Variants in SYCP2L observed in about 807,000 individuals in gnomAD.
SYCP2L encodes the protein synaptonemal complex protein 2-like.
SYCP2L carries 98 observed loss-of-function variants against 125.8 expected under a neutral mutation model. The ratio of observed to expected loss-of-function variants is 0.78; its 90% CI spans 0.66 to 0.92. SYCP2L has a LOEUF of 0.92. SYCP2L is among the 40% of genes least tolerant of loss of function. SYCP2L has a pLI of 0.00. For missense variants in SYCP2L, 842 were observed against 936.4 expected (o/e 0.90, Z 1.32); for synonymous variants, 317 against 325.4 (o/e 0.97, Z 0.28).
At chr6:10,933,668 C>T (rs574911307) in intron 20 of SYCP2L, among the ~76,000 whole-genome samples, 2 of 152,180 alleles carry the variant, frequency 1.3e-5, no homozygotes, top group East Asian at 3.9e-4. Flanking sequence ...TTTGTGGCTA[C>T]GTTTATTAGA....
chr6:10,906,630 C>T (rs1190664930), intron 9 of SYCP2L, among the ~76,000 whole-genome samples: 3 of 150,466 alleles, frequency 2.0e-5, no homozygotes, highest in South Asian at 2.1e-4. Context: ...GGAGTTTTGC[C>T]CTTGTTGGCC....
At chr6:10,965,097 G>T (rs972154471) in intron 29 of SYCP2L, among the ~76,000 whole-genome samples, 1 of 152,018 alleles carries the variant, frequency 6.6e-6, no homozygotes, top group African/African-American at 2.4e-5. Flanking sequence ...AATAGATTAG[G>T]ATAATATAAT....
rs70991076 is a variant in SYCP2L, at chr6:10,931,990, C to CTTT, written c.1683+516_1683+518dup. 1.2e-3 allele frequency among the ~76,000 whole-genome samples: 143 copies of CTTT among 116,442 alleles called. 1 individual carries two copies. The highest frequency in any genetic ancestry group is 2.4e-3 in the African/African-American group (73 of 30,748). 76.4% of individuals were successfully genotyped at this position (116,442 alleles called of 152,430 possible). A position where few individuals can be genotyped will look rare whatever the true frequency, so the allele number is the denominator to read the frequency against. Reference sequence around the variant, plus strand: ...AAAAAAAAAAAAAAAGATTGAGGGTCTTTTTTTTTTTTTTTTTAACTGTTC... The same window carrying CTTT: ...AAAAAAAAAAAAAAAGATTGAGGGTCTTTTTTTTTTTTTTTTTTTTAACTGTTC... On this transcript the variant is annotated intron_variant, in intron 20 of 29. Coordinates refer to ENST00000283141, the MANE Select transcript of SYCP2L (RefSeq NM_001040274.3).
In SYCP2L at chr6:10,954,068, C is replaced by T. The variant is rs567464428; in HGVS notation, c.1955-1048C>T. Among the ~76,000 whole-genome samples the T allele has an allele frequency of 7.9e-5, 12 of 152,282 alleles. No homozygotes were observed. The South Asian group carries it at 8.3e-4, about 11-fold the overall frequency. On this transcript the variant is annotated intron_variant, in intron 23 of 29. Coordinates refer to ENST00000283141, the MANE Select transcript of SYCP2L (RefSeq NM_001040274.3). This position sits in a 1 kb window ranked among gnomAD's most constrained non-coding sequence, Gnocchi z 4.8. ...ACCTCTCACTATCTGCCAGCCGCAT[C>T]GCCCTGCCTCTCGCACATAGTAACG...
At chr6:10,895,509 T>C (rs999897306) in intron 4 of SYCP2L, among the ~76,000 whole-genome samples, 1 of 152,092 alleles carries the variant, frequency 6.6e-6, no homozygotes, top group African/African-American at 2.4e-5. Context: ...GTGTCTGTAA[T>C]GAGCTAGAAA....
At chr6:10,921,057 C>T (rs1464285375) in intron 14 of SYCP2L, among the ~76,000 whole-genome samples, 3 of 152,122 alleles carry the variant, frequency 2.0e-5, no homozygotes, top group African/African-American at 7.2e-5. Flanking sequence ...TACCCAGGCC[C>T]CAGTATGTGT....
intron 9 of SYCP2L, 143 bp downstream of exon 9, chr6:10,906,197 A>G (rs867089386): frequency 5.8e-6 from 3 of 519,500 alleles, no homozygotes; most frequent in Non-Finnish European, 6.8e-6. Flanking sequence ...ATTTTGAGAG[A>G]TTTTAGCATG....
At chr6:10,900,401 C>T (rs113606388) in intron 6 of SYCP2L, among the ~76,000 whole-genome samples, 2 of 151,242 alleles carry the variant, frequency 1.3e-5, no homozygotes, top group African/African-American at 2.4e-5. Context: ...TTGGCTCAGA[C>T]GAGTGCAGTG....
chr6:10,963,918 G>A, intron 29 of SYCP2L, 75 bp downstream of exon 29: 1 of 1,062,496 alleles, frequency 9.4e-7, no homozygotes, highest in Non-Finnish European at 1.4e-6. Flanking sequence ...AAAAGATACT[G>A]TAATGCTTTG....
Position 10,907,683 on chromosome 6 carries a change from C to A in SYCP2L, c.818C>A (p.Thr273Lys). The A allele has an allele frequency of 6.2e-7, 1 of 1,611,774 alleles. No homozygotes were observed. Among genetic ancestry groups the A allele is most frequent in the Non-Finnish European group, 8.5e-7 (1 of 1,179,144 alleles). The change falls in exon 10 of 30, where the codon ACG becomes AAG. Residue 273 changes from threonine (T) to lysine (K), a missense_variant and splice_region_variant. By Grantham distance (78) the Thr-to-Lys change is moderately conservative. Transcript: ENST00000283141. Reference protein sequence around the residue: ...FKEIKDREFETDSRRFLNHLN... With the variant: ...FKEIKDREFEKDSRRFLNHLN... ...GAAATTAAGGATCGAGAATTTGAGACGGTGAGATTCCTGGCCATGCGAATT... is the reference window on the plus strand; with the variant it reads ...GAAATTAAGGATCGAGAATTTGAGAAGGTGAGATTCCTGGCCATGCGAATT...
chr6:10,920,291 C>T (rs1023793158), intron 14 of SYCP2L, among the ~76,000 whole-genome samples: 1 of 152,200 alleles, frequency 6.6e-6, no homozygotes, highest in Non-Finnish European at 1.5e-5. Flanking sequence ...GATCTTGGCT[C>T]ACTGCAACCT....
chr6:10,957,612 A>G (rs1781522288), intron 25 of SYCP2L, among the ~76,000 whole-genome samples: 1 of 152,184 alleles, frequency 6.6e-6, no homozygotes. Context: ...CAGGAGTTCA[A>G]GATCAGCCCG....
chr6:10,931,990 CT>C (rs70991076), intron 20 of SYCP2L, among the ~76,000 whole-genome samples: 91 of 116,424 alleles, frequency 7.8e-4, no homozygotes, highest in Admixed American at 1.5e-3. Flanking sequence ...GATTGAGGGT[CT>C]TTTTTTTTTT....
At chr6:10,918,770 G>A (rs533138252) in intron 14 of SYCP2L, among the ~76,000 whole-genome samples, 3 of 152,134 alleles carry the variant, frequency 2.0e-5, no homozygotes, top group South Asian at 4.2e-4. Context: ...TCCTGACCTC[G>A]TGATCCGCCC....
Position 10,912,867 on chromosome 6 carries a change from A to C in SYCP2L, c.1012A>C (p.Asn338His). 6.2e-7 allele frequency: 1 copy of C among 1,613,388 alleles called. No individual in the cohort carries two copies. The highest frequency in any genetic ancestry group is 1.1e-5 in the South Asian group (1 of 91,022). ...AATTTCACTTATTTATTTTCCCAAGAATACTCTATGGGACTCAGTGACACT... is the reference window on the plus strand; with the variant it reads ...AATTTCACTTATTTATTTTCCCAAGCATACTCTATGGGACTCAGTGACACT... Reference protein sequence around the residue: ...SVTFYIDNAENTLWDSVTLPK... With the variant: ...SVTFYIDNAEHTLWDSVTLPK... Residue 338 changes from asparagine (N) to histidine (H), a missense_variant and splice_region_variant, in exon 14 of 30, where the codon AAT becomes CAT. Physicochemically the swap from Asn to His is moderately conservative, Grantham distance 68. Coordinates refer to ENST00000283141, the MANE Select transcript of SYCP2L (RefSeq NM_001040274.3). This position sits in a 1 kb window ranked among gnomAD's most constrained non-coding sequence, Gnocchi z 4.1.
intron 23 of SYCP2L, among the ~76,000 whole-genome samples, chr6:10,946,964 G>A (rs929145014): frequency 2.0e-5 from 3 of 151,406 alleles, no homozygotes; most frequent in African/African-American, 7.3e-5. Context: ...TCTCCTGCTT[G>A]AACTCCAACT....
At chr6:10,955,262 A>G (rs1392168567) in intron 24 of SYCP2L, 45 bp downstream of exon 24, 1 of 1,238,342 alleles carries the variant, frequency 8.1e-7, no homozygotes, top group Non-Finnish European at 1.2e-6. Flanking sequence ...GAGTGGGATA[A>G]ATGGGTCAGC....
rs531684788 is a variant in SYCP2L, at chr6:10,902,987, G to A, written c.641+24G>A. On this transcript the variant is annotated intron_variant, in intron 8 of 29. Coordinates refer to ENST00000283141, the MANE Select transcript of SYCP2L (RefSeq NM_001040274.3). ...ATGTAAGTGACTTTGTATAAGTTACGTGCTGTAGTAAGGGTAAAATCTCTC... is the reference window on the plus strand; with the variant it reads ...ATGTAAGTGACTTTGTATAAGTTACATGCTGTAGTAAGGGTAAAATCTCTC... 68 of 1,591,172 alleles carry A rather than the reference G, an allele frequency of 4.3e-5. No individual in the cohort carries two copies. In the East Asian group the frequency reaches 1.2e-3, roughly 27 times the overall value.
rs769793311 is a variant in SYCP2L at position 10,942,726 on chromosome 6, T to G, written c.1934T>G (p.Leu645Arg). ...GAAAGTACTAGCTTGAAACATAAGC[T>G]GAGAAACTTGGAAGACAAAGGTAAG... ...LTESTSLKHKLRNLEDKDIPE... is the reference protein window; with the variant it reads ...LTESTSLKHKRRNLEDKDIPE... Residue 645 changes from leucine to arginine, a missense_variant, in exon 23 of 30, where the codon CTG becomes CGG. Leu to Arg is a moderately radical substitution (Grantham distance 102). Transcript: ENST00000283141. 53 of 1,611,986 alleles carry G rather than the reference T, an allele frequency of 3.3e-5. No individual in the cohort carries two copies. In the Admixed American group the frequency reaches 7.2e-4, roughly 22 times the overall value.
Sources: gnomAD v4.1 joint callset for allele counts (sites outside exome capture counted in the v4.1 genomes callset) on GRCh38, gnomAD v4.1.1 for gene constraint, Gnocchi (gnomAD v3.1) non-coding constraint, MANE v1.5 for transcripts, NCBI Gene and HGNC (gene_info 2026-07-23, HGNC 2026-07-21) for gene names.